Variants in THADA observed in about 807,000 individuals in gnomAD.
THADA encodes the protein tRNA (32-2'-O)-methyltransferase regulator THADA.
Under a neutral mutation model 219.8 loss-of-function variants are expected in THADA, and 213 were observed. The observed-to-expected ratio is 0.97, with a 90% CI of 0.87 to 1.09. The LOEUF (loss-of-function observed/expected upper bound fraction) is 1.09, where lower values mean the gene tolerates loss of function less well. THADA is among the 50% of genes least tolerant of loss of function. The pLI, the probability that THADA is intolerant of heterozygous loss-of-function variation, is 0.00. For missense variants in THADA, 2,956 were observed against 2,311.3 expected (o/e 1.28, Z -5.72); for synonymous variants, 1,018 against 828.9 (o/e 1.23, Z -3.92).
intron 22 of THADA, among the ~76,000 whole-genome samples, chr2:43,509,627 T>C (rs1690135771): frequency 6.6e-6 from 1 of 152,178 alleles, no homozygotes; most frequent in Admixed American, 6.6e-5. Flanking sequence ...GAATTAGATC[T>C]CTTAGGAACA....
In THADA at chr2:43,574,353, G is replaced by T. The variant is rs776596485; in HGVS notation, c.1712C>A (p.Ser571Tyr). 1.3e-6 allele frequency: 2 copies of T among 1,570,342 alleles called. No individual in the cohort carries two copies. Among genetic ancestry groups the T allele is most frequent in the South Asian group, 1.2e-5 (1 of 83,372 alleles). ...TTTCTTACCAGTTTTAGCATCAATAGAAGTCTGAAGAATCTTTACCATGTA... is the reference window on the plus strand; with the variant it reads ...TTTCTTACCAGTTTTAGCATCAATATAAGTCTGAAGAATCTTTACCATGTA... ...LQYMVKILQTSIDAKTGQEQS... is the reference protein window; with the variant it reads ...LQYMVKILQTYIDAKTGQEQS... The change falls in exon 11 of 38, where the codon TCT (serine) becomes TAT (tyrosine). Residue 571 changes from serine to tyrosine, a missense_variant. Ser to Tyr is a moderately radical substitution (Grantham distance 144, BLOSUM62 -2). Coordinates refer to ENST00000405975, the MANE Select transcript of THADA (RefSeq NM_022065.5).
intron 14 of THADA, among the ~76,000 whole-genome samples, chr2:43,570,072 G>C (rs1032540620): frequency 5.3e-5 from 8 of 152,182 alleles, no homozygotes; most frequent in Non-Finnish European, 1.0e-4. Context: ...CTGCCCTGGA[G>C]AGGGACAGAG....
At chr2:43,452,037 G>C (rs937395884) in intron 26 of THADA, among the ~76,000 whole-genome samples, 6 of 152,184 alleles carry the variant, frequency 3.9e-5, no homozygotes, top group African/African-American at 1.4e-4. Flanking sequence ...AACCCAGGAG[G>C]TAGAGGTTGC....
At chr2:43,442,778 G>A (rs539778861) in intron 26 of THADA, among the ~76,000 whole-genome samples, 1 of 152,178 alleles carries the variant, frequency 6.6e-6, no homozygotes, top group Admixed American at 6.5e-5. Flanking sequence ...CTCAACTAGA[G>A]CACAGATTTC....
intron 7 of THADA, among the ~76,000 whole-genome samples, chr2:43,585,532 G>GTAGATAGATAGA (rs57755595): frequency 1.5e-3 from 213 of 139,520 alleles, no homozygotes; most frequent in Non-Finnish European, 1.9e-3. Context: ...AAAAAAAAAT[G>GTAGATAGATAGA]TAGATAGATA....
intron 29 of THADA, among the ~76,000 whole-genome samples, chr2:43,393,439 G>A (rs1228426473): frequency 2.6e-5 from 4 of 152,170 alleles, no homozygotes. Context: ...GGGTGCGGTG[G>A]CTCACGCCCG....
intron 26 of THADA, among the ~76,000 whole-genome samples, chr2:43,468,468 G>A (rs950114833): frequency 1.2e-4 from 18 of 152,074 alleles, no homozygotes; most frequent in African/African-American, 4.3e-4. Context: ...TTTTTTAAAG[G>A]CCCTAAGAGA....
chr2:43,365,152 T>C (rs1000403238), intron 29 of THADA, among the ~76,000 whole-genome samples: 5 of 152,050 alleles, frequency 3.3e-5, no homozygotes, highest in African/African-American at 1.2e-4. Context: ...TTCGAACTCC[T>C]GACCTCAGGT....
At chr2:43,337,579 T>C (rs1666603723) in intron 30 of THADA, among the ~76,000 whole-genome samples, 1 of 152,178 alleles carries the variant, frequency 6.6e-6, no homozygotes, top group Non-Finnish European at 1.5e-5. Context: ...CAGATGGACT[T>C]TTTTAGAAAA....
At chr2:43,326,654 A>G (rs1215459290) in intron 30 of THADA, among the ~76,000 whole-genome samples, 5 of 152,166 alleles carry the variant, frequency 3.3e-5, no homozygotes, top group Non-Finnish European at 7.4e-5. Flanking sequence ...GATTAGCAGG[A>G]AATGATATGG....
intron 30 of THADA, among the ~76,000 whole-genome samples, chr2:43,331,916 A>AAAACACACACACACACACACACAC (rs1558592582): frequency 1.1e-5 from 1 of 91,704 alleles, no homozygotes; most frequent in Non-Finnish European, 2.3e-5. Flanking sequence ...ATATATATCT[A>AAAACACACACACACACACACACAC]ATACACACAC....
intron 8 of THADA, among the ~76,000 whole-genome samples, chr2:43,580,060 C>G (rs1700258668): frequency 7.5e-6 from 1 of 133,770 alleles, no homozygotes; most frequent in Non-Finnish European, 1.6e-5. Context: ...GAGGCTTGCT[C>G]TGTTGCCAGG....
chr2:43,514,468 T>C (rs1039215222), intron 22 of THADA, among the ~76,000 whole-genome samples: 2 of 139,804 alleles, frequency 1.4e-5, no homozygotes, highest in Admixed American at 1.6e-4. Context: ...ATATATATAA[T>C]ATATAATATA....
chr2:43,245,163 T>TTTCTTC (rs1156413731), intron 36 of THADA, among the ~76,000 whole-genome samples: 9 of 133,846 alleles, frequency 6.7e-5, no homozygotes, highest in Middle Eastern at 3.6e-3. Context: ...AGCTTCTTTC[T>TTTCTTC]TTCTTCTTCT....
chr2:43,291,864 T>G (rs910841033), intron 33 of THADA, 96 bp from the exon 34 acceptor site: 2 of 1,111,868 alleles, frequency 1.8e-6, no homozygotes, highest in Admixed American at 5.9e-5. Context: ...CATGCAGAGG[T>G]GAATACTGAA....
intron 25 of THADA, among the ~76,000 whole-genome samples, chr2:43,490,030 T>C (rs749541551): frequency 6.6e-6 from 1 of 152,198 alleles, no homozygotes; most frequent in Non-Finnish European, 1.5e-5. Context: ...TATAATTTCT[T>C]CAAAAAATGT....
At chr2:43,516,163 G>A (rs1691697715) in intron 22 of THADA, among the ~76,000 whole-genome samples, 1 of 152,086 alleles carries the variant, frequency 6.6e-6, no homozygotes, top group African/African-American at 2.4e-5. Flanking sequence ...CTGTAGTATA[G>A]CAATATTGTA....
intron 21 of THADA, among the ~76,000 whole-genome samples, chr2:43,530,239 T>C (rs1015010284): frequency 6.6e-6 from 1 of 152,230 alleles, no homozygotes; most frequent in Non-Finnish European, 1.5e-5. Context: ...GATGATACTC[T>C]TGATTTTAGT....
At chr2:43,433,578 G>A (rs900403782) in intron 26 of THADA, among the ~76,000 whole-genome samples, 1 of 152,106 alleles carries the variant, frequency 6.6e-6, no homozygotes, top group Admixed American at 6.6e-5. Context: ...GCTCATAGAT[G>A]AGAGGATTCC....
Sources: allele counts gnomAD v4.1 joint callset (sites outside exome capture counted in the v4.1 genomes callset), GRCh38; gene constraint gnomAD v4.1.1; transcripts MANE v1.5; gene names NCBI Gene and HGNC (gene_info 2026-07-23, HGNC 2026-07-21).